The following IMMP2L variants were observed in gnomAD, a reference collection of about 807,000 sequenced individuals.
IMMP2L encodes mitochondrial inner membrane protease subunit 2.
In IMMP2L, 18 loss-of-function variants were observed where a neutral mutation model predicts 19.3. The ratio of observed to expected loss-of-function variants is 0.93; its 90% CI spans 0.64 to 1.38. IMMP2L has a LOEUF of 1.38. Ranked by LOEUF, IMMP2L falls within the 40% of genes most tolerant of loss-of-function variation. IMMP2L has a pLI of 0.00. For synonymous variants in IMMP2L, 76 were observed against 73.0 expected, an observed-to-expected ratio of 1.04 and a Z score of -0.21; for missense variants, 233 against 218.2, an observed-to-expected ratio of 1.07 and a Z score of -0.43.
At position 110,739,461 on chromosome 7, in the gene IMMP2L, A is replaced by C. The variant is rs1244042879; in HGVS notation, c.409-75740T>G. ...ATTTTAAAGCAACAGCAGTTAAAAA[A>C]GACAAAGGACATTACATAATGATAA... On this transcript the variant is annotated intron_variant, in intron 5 of 5. Transcript: ENST00000405709. Among the ~76,000 whole-genome samples the C allele has an allele frequency of 3.3e-5, 5 of 152,216 alleles. No individual in the cohort carries two copies. In the South Asian group the frequency reaches 1.0e-3, roughly 31 times the overall value.
chr7:110,810,632 A>T (rs528422399), intron 5 of IMMP2L, among the ~76,000 whole-genome samples: 60 of 152,136 alleles, frequency 3.9e-4, no homozygotes, highest in African/African-American at 1.4e-3. Context: ...TAACTCCCAC[A>T]TGCTTAGAGT....
intron 1 of IMMP2L, among the ~76,000 whole-genome samples, chr7:111,556,037 C>CTAT (rs1791306579): frequency 9.2e-6 from 1 of 108,236 alleles, no homozygotes; most frequent in African/African-American, 3.5e-5. Context: ...TATATATATA[C>CTAT]ATACCCAAAG....
At chr7:111,044,200 T>G (rs1380660776) in intron 3 of IMMP2L, among the ~76,000 whole-genome samples, 14 of 152,168 alleles carry the variant, frequency 9.2e-5, no homozygotes, top group Non-Finnish European at 2.1e-4. Flanking sequence ...TGGAATAGGA[T>G]AAAATGCCAA....
At chr7:111,360,426 C>T (rs1217419362) in intron 3 of IMMP2L, among the ~76,000 whole-genome samples, 2 of 152,132 alleles carry the variant, frequency 1.3e-5, no homozygotes, top group Non-Finnish European at 2.9e-5. Flanking sequence ...TTCATACATA[C>T]TCCAAATCAA....
intron 3 of IMMP2L, among the ~76,000 whole-genome samples, chr7:111,289,800 C>G (rs980851713): frequency 6.6e-6 from 1 of 151,884 alleles, no homozygotes; most frequent in South Asian, 2.1e-4. Flanking sequence ...TTTCTCCAGC[C>G]TCAGTATACC....
At chr7:110,752,287 C>T (rs1797772746) in intron 5 of IMMP2L, among the ~76,000 whole-genome samples, 1 of 151,850 alleles carries the variant, frequency 6.6e-6, no homozygotes, top group Non-Finnish European at 1.5e-5. Flanking sequence ...CATAATTGGC[C>T]ATTACTGTAG....
chr7:110,937,469 G>A (rs1229999326), intron 4 of IMMP2L, among the ~76,000 whole-genome samples: 1 of 152,068 alleles, frequency 6.6e-6, no homozygotes, highest in Non-Finnish European at 1.5e-5. Context: ...GCAGTTTCCG[G>A]GTACTCCAAG....
intron 3 of IMMP2L, among the ~76,000 whole-genome samples, chr7:111,208,611 AG>A (rs1810974498): frequency 6.6e-6 from 1 of 152,170 alleles, no homozygotes; most frequent in African/African-American, 2.4e-5. Context: ...CTGGTACCAA[AG>A]GAAGAGTTAT....
chr7:111,132,361 A>G (rs1484878221), intron 3 of IMMP2L, among the ~76,000 whole-genome samples: 1 of 152,022 alleles, frequency 6.6e-6, no homozygotes, highest in Non-Finnish European at 1.5e-5. Flanking sequence ...CAGAATGGTC[A>G]ATTATGTTTA....
At chr7:111,508,794 C>A (rs1338571524) in intron 2 of IMMP2L, among the ~76,000 whole-genome samples, 1 of 152,100 alleles carries the variant, frequency 6.6e-6, no homozygotes, top group African/African-American at 2.4e-5. Flanking sequence ...GGAAATCATG[C>A]CAAATAGGCA....
intron 3 of IMMP2L, among the ~76,000 whole-genome samples, chr7:111,275,844 T>C (rs1007290078): frequency 7.2e-5 from 11 of 152,132 alleles, no homozygotes; most frequent in Non-Finnish European, 1.5e-4. Context: ...CTCAGCTAGA[T>C]TGTTATTGGT....
chr7:111,035,106 T>C (rs1791204627), intron 3 of IMMP2L, among the ~76,000 whole-genome samples: 2 of 152,046 alleles, frequency 1.3e-5, no homozygotes, highest in Non-Finnish European at 2.9e-5. Context: ...TGAGACAGGA[T>C]CAAATAAAGC....
At chr7:111,314,641 A>AC (rs745684163) in intron 3 of IMMP2L, among the ~76,000 whole-genome samples, 37 of 152,108 alleles carry the variant, frequency 2.4e-4, no homozygotes, top group Admixed American at 5.9e-4. Context: ...AGTAATTCCC[A>AC]CTTGTCTAGG....
intron 3 of IMMP2L, among the ~76,000 whole-genome samples, chr7:111,222,141 G>A (rs1181043404): frequency 6.6e-6 from 1 of 151,972 alleles, no homozygotes; most frequent in East Asian, 1.9e-4. Context: ...ACCTAACTGT[G>A]AAAAGCAAGA....
chr7:111,087,456 G>GAAAAAAAAAAAAAAAAAAAAA (rs76131476), intron 3 of IMMP2L, among the ~76,000 whole-genome samples: 1 of 77,940 alleles, frequency 1.3e-5, no homozygotes. Flanking sequence ...CTTAAAAAAA[G>GAAAAAAAAAAAAAAAAAAAAA]AAAAAAAAAA....
At chr7:111,272,648 G>A (rs574820117) in intron 3 of IMMP2L, among the ~76,000 whole-genome samples, 7 of 152,244 alleles carry the variant, frequency 4.6e-5, no homozygotes, top group African/African-American at 1.2e-4. Context: ...ATAGAGAAGA[G>A]GAGCAAACAA....
At chr7:111,037,551 G>A (rs1791469754) in intron 3 of IMMP2L, among the ~76,000 whole-genome samples, 1 of 152,096 alleles carries the variant, frequency 6.6e-6, no homozygotes, top group Non-Finnish European at 1.5e-5. Flanking sequence ...GCTATATTTT[G>A]TGAAAAGGGG....
intron 3 of IMMP2L, among the ~76,000 whole-genome samples, chr7:111,328,734 C>T (rs761975247): frequency 2.6e-5 from 4 of 151,686 alleles, no homozygotes; most frequent in Non-Finnish European, 5.9e-5. Context: ...TGGATAATTG[C>T]TTGTCATTAA....
intron 5 of IMMP2L, among the ~76,000 whole-genome samples, chr7:110,814,829 G>A (rs570032959): frequency 6.6e-6 from 1 of 151,740 alleles, no homozygotes; most frequent in Non-Finnish European, 1.5e-5. Context: ...TAAGACAGAT[G>A]TGATCACAAT....
Sources: gnomAD v4.1 joint callset for allele counts (sites outside exome capture counted in the v4.1 genomes callset) on GRCh38, gnomAD v4.1.1 for gene constraint, MANE v1.5 for transcripts, NCBI Gene and HGNC (gene_info 2026-07-23, HGNC 2026-07-21) for gene names.